Variants in ZFHX3 observed in about 807,000 individuals in gnomAD.
ZFHX3 encodes zinc finger homeobox protein 3.
Under a neutral mutation model 279.1 loss-of-function variants are expected in ZFHX3, and 42 were observed. That is an observed-to-expected ratio of 0.15 (90% CI 0.12 to 0.19). The LOEUF is 0.19. ZFHX3 is among the 10% of genes least tolerant of loss of function. ZFHX3 has a pLI of 1.00. For missense variants in ZFHX3, 4,981 were observed against 4,754.0 expected (o/e 1.05, Z -1.40); for synonymous variants, 2,293 against 1,957.8 (o/e 1.17, Z -4.52).
chr16:73,685,084 G>A (rs192331215), intron 1 of ZFHX3, among the ~76,000 whole-genome samples: 2 of 150,766 alleles, frequency 1.3e-5, no homozygotes, highest in Admixed American at 6.6e-5. Context: ...GCCCAACCTC[G>A]GCTCACTGCA....
intron 1 of ZFHX3, among the ~76,000 whole-genome samples, chr16:73,820,284 G>A (rs1453845254): frequency 6.6e-6 from 1 of 151,968 alleles, no homozygotes; most frequent in African/African-American, 2.4e-5. Flanking sequence ...TAAAGACAGG[G>A]TTTCACCGTG....
chr16:73,638,970 G>A (rs2052551149), intron 2 of ZFHX3, among the ~76,000 whole-genome samples: 1 of 152,062 alleles, frequency 6.6e-6, no homozygotes, highest in Admixed American at 6.6e-5. Flanking sequence ...GAAGAGAGAA[G>A]CAAAAGAAAA....
chr16:72,850,235 A>G (rs1023612189), intron 4 of ZFHX3, among the ~76,000 whole-genome samples: 3 of 152,168 alleles, frequency 2.0e-5, no homozygotes, highest in Admixed American at 1.3e-4. Context: ...TGTCACACCT[A>G]CAAAGTCACA....
At chr16:73,073,993 A>G (rs1474837523) in intron 8 of ZFHX3, among the ~76,000 whole-genome samples, 1 of 151,744 alleles carries the variant, frequency 6.6e-6, no homozygotes, top group Non-Finnish European at 1.5e-5. Context: ...CAGGTTCCCG[A>G]CTCCCAGCTG....
chr16:73,570,352 G>C (rs1291707133), intron 2 of ZFHX3, among the ~76,000 whole-genome samples: 1 of 152,104 alleles, frequency 6.6e-6, no homozygotes, highest in East Asian at 1.9e-4. Flanking sequence ...TACAACATGG[G>C]GATGGTTTTC....
chr16:72,786,741 A>AAAC lies in ZFHX3; in HGVS notation c.*420_*422dup, dbSNP rs2035392636. 6.5e-6 allele frequency: 1 copy of AAAC among 152,680 alleles called. No individual in the cohort carries two copies. Among genetic ancestry groups the AAAC allele is most frequent in the African/African-American group, 2.4e-5 (1 of 41,438 alleles). The allele number at this position is 152,680 out of a possible 1,614,324, so 9.5% of individuals were successfully genotyped here. On this transcript the variant is annotated 3_prime_UTR_variant, in exon 10 of 10. Coordinates refer to ENST00000268489, the MANE Select transcript of ZFHX3 (RefSeq NM_006885.4). ...GAATGCTAAGATAGCAAGAAATTTAAAACTGTAACAAGGTGGACTGCTTTC... is the reference window on the plus strand; with the variant it reads ...GAATGCTAAGATAGCAAGAAATTTAAAACAACTGTAACAAGGTGGACTGCTTTC...
chr16:73,037,827 TAAAC>T (rs959224213), intron 1 of ZFHX3, among the ~76,000 whole-genome samples: 3 of 147,064 alleles, frequency 2.0e-5, no homozygotes, highest in Non-Finnish European at 4.5e-5. Context: ...AAAGATAAAA[TAAAC>T]AAACAGAGCA....
chr16:73,668,217 G>C (rs2052865249), intron 2 of ZFHX3, among the ~76,000 whole-genome samples: 1 of 152,054 alleles, frequency 6.6e-6, no homozygotes, highest in Non-Finnish European at 1.5e-5. Context: ...AAGTATCCAG[G>C]AAGACAAAGA....
chr16:73,442,477 A>T (rs1188647474), intron 3 of ZFHX3, among the ~76,000 whole-genome samples: 1 of 143,602 alleles, frequency 7.0e-6, no homozygotes, highest in Non-Finnish European at 1.5e-5. Context: ...TTTTTAAATT[A>T]AAAAAAAATG....
intron 2 of ZFHX3, among the ~76,000 whole-genome samples, chr16:73,488,030 T>G (rs1243327655): frequency 6.6e-6 from 1 of 152,206 alleles, no homozygotes; most frequent in Non-Finnish European, 1.5e-5. Context: ...CTAGCATAAA[T>G]GTTCTACCTG....
At chr16:73,603,268 G>C (rs2052142121) in intron 2 of ZFHX3, among the ~76,000 whole-genome samples, 1 of 147,862 alleles carries the variant, frequency 6.8e-6, no homozygotes, top group African/African-American at 2.5e-5. Flanking sequence ...CTGGGCAACA[G>C]AGCGAGACTC....
chr16:73,692,133 C>T (rs1190048834), intron 1 of ZFHX3, among the ~76,000 whole-genome samples: 2 of 152,202 alleles, frequency 1.3e-5, no homozygotes, highest in African/African-American at 4.8e-5. Context: ...ATTCGATATT[C>T]CTCTCTTCAA....
At chr16:72,860,544 C>T (rs1190999316) in intron 4 of ZFHX3, among the ~76,000 whole-genome samples, 1 of 152,194 alleles carries the variant, frequency 6.6e-6, no homozygotes, top group Non-Finnish European at 1.5e-5. Flanking sequence ...GATTCTCCTG[C>T]CTCAGCCTCC....
intron 7 of ZFHX3, among the ~76,000 whole-genome samples, chr16:73,094,115 T>C (rs1050025314): frequency 6.6e-6 from 1 of 152,184 alleles, no homozygotes; most frequent in African/African-American, 2.4e-5. Flanking sequence ...ATAGCTTTCT[T>C]ATAGCCCAGG....
At chr16:73,143,605 G>T in intron 6 of ZFHX3, 1 of 451,874 alleles carries the variant, frequency 2.2e-6, no homozygotes, top group Non-Finnish European at 4.1e-6. Context: ...CAGGCACACT[G>T]CAGAGGTGTC....
intron 1 of ZFHX3, among the ~76,000 whole-genome samples, chr16:73,728,133 G>T (rs1466390204): frequency 6.7e-6 from 1 of 149,226 alleles, no homozygotes; most frequent in Non-Finnish European, 1.5e-5. Context: ...GAGGTCCTTA[G>T]GATGGACTTA....
intron 4 of ZFHX3, among the ~76,000 whole-genome samples, chr16:73,258,380 C>T (rs111397294): frequency 2.7e-5 from 4 of 150,340 alleles, no homozygotes; most frequent in African/African-American, 5.0e-5. Context: ...GACAGGGTCT[C>T]GCTCTGTCTC....
At chr16:72,896,698 T>G (rs976821944) in intron 3 of ZFHX3, among the ~76,000 whole-genome samples, 7 of 152,340 alleles carry the variant, frequency 4.6e-5, no homozygotes, top group African/African-American at 1.7e-4. Flanking sequence ...AACCAACTTC[T>G]GTCAGAGAAC....
intron 5 of ZFHX3, among the ~76,000 whole-genome samples, chr16:73,245,595 T>A (rs1355299671): frequency 6.6e-6 from 1 of 152,222 alleles, no homozygotes; most frequent in African/African-American, 2.4e-5. Flanking sequence ...TAAGCAAAGA[T>A]GGTGTCCAAG....
Sources: gnomAD v4.1 joint callset for allele counts (sites outside exome capture counted in the v4.1 genomes callset) on GRCh38, gnomAD v4.1.1 for gene constraint, MANE v1.5 for transcripts, NCBI Gene and HGNC (gene_info 2026-07-23, HGNC 2026-07-21) for gene names.